OTOP3: variants seen among roughly 807,000 people sequenced by gnomAD.
OTOP3 encodes proton channel OTOP3.
OTOP3 carries 41 observed loss-of-function variants against 50.8 expected under a neutral mutation model. That is an observed-to-expected ratio of 0.81 (90% CI 0.63 to 1.05). The LOEUF (loss-of-function observed/expected upper bound fraction) is 1.05. Among genes scored for constraint, OTOP3 ranks in the 50% least tolerant of loss-of-function variants. The probability of loss-of-function intolerance (pLI) is 0.00; values close to 1 mark genes in which losing one functional copy is unlikely to be tolerated. For missense variants in OTOP3, 788 were observed against 760.8 expected (o/e 1.04, Z -0.42); for synonymous variants, 320 against 324.4 (o/e 0.99, Z 0.14).
rs758220528 is a variant in OTOP3, at chr17:74,942,042, C to G, written c.573+5C>G. 1.1e-5 allele frequency: 17 copies of G among 1,603,826 alleles called. No homozygotes were observed. Among genetic ancestry groups the G allele is most frequent in the Non-Finnish European group, 1.4e-5 (17 of 1,174,312 alleles). ...ATGGTCTTCATCGGCGTCCAGGTGACAGGCTTCTCACGTCCCCACATCACC... is the reference window on the plus strand; with the variant it reads ...ATGGTCTTCATCGGCGTCCAGGTGAGAGGCTTCTCACGTCCCCACATCACC... On this transcript the variant is annotated splice_donor_5th_base_variant and intron_variant, in intron 3 of 6. Coordinates refer to ENST00000328801, the MANE Select transcript of OTOP3 (RefSeq NM_001272005.2).
chr17:74,935,961 G>T, intron 1 of OTOP3, 21 bp downstream of exon 1: 1 of 1,540,828 alleles, frequency 6.5e-7, no homozygotes, highest in Non-Finnish European at 8.7e-7. Flanking sequence ...AGCGCCGGCG[G>T]AACTTTCCCA....
At chr17:74,938,012 C>T (rs1271234251) in intron 1 of OTOP3, among the ~76,000 whole-genome samples, 1 of 152,026 alleles carries the variant, frequency 6.6e-6, no homozygotes, top group East Asian at 1.9e-4. Context: ...AACTTTCTAC[C>T]TGGGCCTGGG....
intron 5 of OTOP3, among the ~76,000 whole-genome samples, chr17:74,945,270 T>C (rs1409876765): frequency 6.6e-6 from 1 of 152,166 alleles, no homozygotes; most frequent in Non-Finnish European, 1.5e-5. Context: ...GTACATCTCT[T>C]TAGAAAGAGA....
At chr17:74,948,608 T>C (rs1295931313) in intron 6 of OTOP3, among the ~76,000 whole-genome samples, 1 of 152,150 alleles carries the variant, frequency 6.6e-6, no homozygotes, top group Non-Finnish European at 1.5e-5. Flanking sequence ...TTCAGTGAGC[T>C]GAGATCGTGC....
intron 5 of OTOP3, among the ~76,000 whole-genome samples, chr17:74,946,433 T>C (rs1003633484): frequency 6.6e-6 from 1 of 152,210 alleles, no homozygotes; most frequent in African/African-American, 2.4e-5. Context: ...TTTTAATGCT[T>C]TACGTAAGTT....
intron 5 of OTOP3, among the ~76,000 whole-genome samples, chr17:74,946,149 T>A (rs2039222576): frequency 6.6e-6 from 1 of 152,108 alleles, no homozygotes; most frequent in Admixed American, 6.5e-5. Context: ...AGCTAATTTT[T>A]GTATTTTTAG....
Position 74,941,750 on chromosome 17 carries a change from C to T in OTOP3, c.377C>T (p.Thr126Ile). 2.5e-6 allele frequency: 4 copies of T among 1,614,028 alleles called. No individual in the cohort carries two copies. The highest frequency in any genetic ancestry group is 3.4e-6 in the Non-Finnish European group (4 of 1,179,976). Residue 126 changes from threonine (T) to isoleucine (I), a missense_variant, in exon 2 of 7, where the codon ACC (threonine) becomes ATC (isoleucine). By Grantham distance (89) the Thr-to-Ile change is moderately conservative. Coordinates refer to ENST00000328801, the MANE Select transcript of OTOP3 (RefSeq NM_001272005.2). ...CTTCTCTACTATGTGGCAAGCACCA[C>T]CCGCCGACCACACGCCGTGCTCTAC... ...LWLLYYVAST[T>I]RRPHAVLYQD...
rs1451315160 is a variant in OTOP3, at chr17:74,943,363, C to T, written c.632+19C>T. On this transcript the variant is annotated intron_variant, in intron 4 of 6. Coordinates refer to ENST00000328801, the MANE Select transcript of OTOP3 (RefSeq NM_001272005.2). ...TCACTAGGTAAGACTTCTCTCCCTCCCAAACCCTCTGGCCTCTCTGTCCTC... is the reference window on the plus strand; with the variant it reads ...TCACTAGGTAAGACTTCTCTCCCTCTCAAACCCTCTGGCCTCTCTGTCCTC... 1 of 1,610,942 alleles carries T rather than the reference C, an allele frequency of 6.2e-7. No homozygotes were observed. Among genetic ancestry groups the T allele is most frequent in the Admixed American group, 1.7e-5 (1 of 60,008 alleles).
intron 1 of OTOP3, among the ~76,000 whole-genome samples, chr17:74,940,202 T>G (rs2039158297): frequency 6.7e-6 from 1 of 149,564 alleles, no homozygotes; most frequent in African/African-American, 2.5e-5. Context: ...AGATGGTGTC[T>G]TCCTATGTTA....
At position 74,947,113 on chromosome 17, in the gene OTOP3, A is replaced by C. The variant is rs143324008; in HGVS notation, c.1204A>C (p.Met402Leu). Reference protein sequence around the residue: ...PTRSLDVVLLMGAALGQMGIA... With the variant: ...PTRSLDVVLLLGAALGQMGIA... ...CCGCAGCCTGGATGTGGTGCTGCTA[A>C]TGGGTGCTGCACTGGGCCAGATGGG... is the stretch of plus-strand genomic sequence containing the variant. The change falls in exon 6 of 7, where the codon ATG (methionine) becomes CTG (leucine). Residue 402 changes from methionine (M) to leucine (L), a missense_variant. By Grantham distance (15) the Met-to-Leu change is conservative. Transcript: ENST00000328801. 5.9e-5 allele frequency: 95 copies of C among 1,614,152 alleles called. 1 individual carries two copies. The East Asian group carries it at 2.0e-3, about 34-fold the overall frequency.
intron 4 of OTOP3, 102 bp from the exon 5 acceptor site, chr17:74,943,504 G>A: frequency 7.4e-7 from 1 of 1,348,824 alleles, no homozygotes; most frequent in Non-Finnish European, 1.1e-6. Context: ...TAGGGAGTGA[G>A]TGGTTGGGAG....
chr17:74,938,639 GA>G (rs1210667775), intron 1 of OTOP3, among the ~76,000 whole-genome samples: 1 of 152,174 alleles, frequency 6.6e-6, no homozygotes, highest in African/African-American at 2.4e-5. Flanking sequence ...GCCAGACCAG[GA>G]AGCAGCAGCA....
chr17:74,943,797 A>AC, intron 5 of OTOP3, 73 bp downstream of exon 5: 1 of 1,121,140 alleles, frequency 8.9e-7, no homozygotes, highest in Non-Finnish European at 1.3e-6. Flanking sequence ...CACACACATA[A>AC]ACGCTACACT....
intron 1 of OTOP3, among the ~76,000 whole-genome samples, chr17:74,939,934 G>C (rs1282442766): frequency 6.6e-6 from 1 of 151,682 alleles, no homozygotes; most frequent in African/African-American, 2.4e-5. Context: ...TTAAACTCAG[G>C]GTCTTGCTCT....
intron 1 of OTOP3, among the ~76,000 whole-genome samples, chr17:74,938,590 G>C (rs1019948675): frequency 3.9e-5 from 6 of 152,148 alleles, no homozygotes; most frequent in African/African-American, 1.4e-4. Flanking sequence ...CAAGGAGAGG[G>C]GAGTAGGGTC....
In OTOP3 at chr17:74,941,425, GA is replaced by G; in HGVS notation, c.54del (p.Ala19HisfsTer34). ...TGAGGCTACACCCATGCCTTCTTCA[GA>G]AGCACAGGAGACTGAAGCAGCCCCG... ...PAEATPMPSS[E>X]AQETEAAPEK... is the part of the protein sequence containing the mutation. On this transcript the variant is annotated frameshift_variant, in exon 2 of 7. Transcript: ENST00000328801. LOFTEE classifies it high-confidence loss of function. The G allele has an allele frequency of 3.2e-6, 5 of 1,561,296 alleles. No individual in the cohort carries two copies. The South Asian group carries it at 6.0e-5, about 19-fold the overall frequency.
At position 74,946,717 on chromosome 17, in the gene OTOP3, A is replaced by G. The variant is rs1472079324; in HGVS notation, c.808A>G (p.Arg270Gly). ...LNATACEAFRRGFLMLYPFST... is the reference protein window; with the variant it reads ...LNATACEAFRGGFLMLYPFST... ...TGCCACCGCGTGTGAAGCTTTCCGG[A>G]GAGGCTTCCTGATGCTCTACCCCTT... The change falls in exon 6 of 7, where the codon AGA becomes GGA. Residue 270 changes from arginine to glycine, a missense_variant. Arg to Gly is a moderately radical substitution (Grantham distance 125). Transcript: ENST00000328801. 3.1e-6 allele frequency: 5 copies of G among 1,613,084 alleles called. No homozygotes were observed. In the East Asian group the frequency reaches 1.1e-4, roughly 36 times the overall value.
chr17:74,943,214 G>T (rs2039193849), intron 3 of OTOP3, 72 bp from the exon 4 acceptor site: 14 of 1,336,010 alleles, frequency 1.0e-5, no homozygotes, highest in Non-Finnish European at 1.4e-5. Flanking sequence ...ATACACGCAT[G>T]CGCCCCAGGA....
chr17:74,935,913 C>T lies in OTOP3; in HGVS notation c.-9C>T. Reference sequence around the variant, plus strand: ...CTCAGCGCCCGCAGTCGGTGGTTAGCCCACGGCGATGCCTCTCCCGGCCTC... The same window carrying T: ...CTCAGCGCCCGCAGTCGGTGGTTAGTCCACGGCGATGCCTCTCCCGGCCTC... On this transcript the variant is annotated 5_prime_UTR_variant, in exon 1 of 7. Transcript: ENST00000328801. 1.2e-5 allele frequency: 18 copies of T among 1,546,366 alleles called. No homozygotes were observed. Among genetic ancestry groups the T allele is most frequent in the Non-Finnish European group, 1.5e-5 (17 of 1,146,712 alleles).
Sources: gnomAD v4.1 joint callset for allele counts (sites outside exome capture counted in the v4.1 genomes callset) on GRCh38, gnomAD v4.1.1 for gene constraint, MANE v1.5 for transcripts, NCBI Gene and HGNC (gene_info 2026-07-23, HGNC 2026-07-21) for gene names.